PKD2L2: variants seen among roughly 807,000 people sequenced by gnomAD.
PKD2L2 encodes the protein polycystin-2-like protein 2.
A neutral mutation model predicts 83.9 loss-of-function variants in PKD2L2; 67 were observed. That is an observed-to-expected ratio of 0.80 (90% confidence interval 0.66 to 0.98). The LOEUF (loss-of-function observed/expected upper bound fraction) is 0.98. Ranked by LOEUF, PKD2L2 falls within the 50% of genes least tolerant of loss-of-function variation. The pLI is 0.00. For synonymous variants in PKD2L2, 223 were observed against 237.8 expected (o/e 0.94, Z 0.57); for missense variants, 632 against 717.2 (o/e 0.88, Z 1.36).
At chr5:137,912,899 G>A (rs1757970459) in intron 8 of PKD2L2, among the ~76,000 whole-genome samples, 1 of 145,768 alleles carries the variant, frequency 6.9e-6, no homozygotes, top group Non-Finnish European at 1.5e-5. Flanking sequence ...CCGCCTCCCA[G>A]GTTCAAGTGA....
chr5:137,923,446 T>C lies in PKD2L2; in HGVS notation c.1476T>C (p.Asp492=), dbSNP rs746691828. 2 of 1,519,156 alleles carry C rather than the reference T, an allele frequency of 1.3e-6. No individual in the cohort carries two copies. The highest frequency in any genetic ancestry group is 1.8e-6 in the Non-Finnish European group (2 of 1,093,946). 94.1% of individuals were successfully genotyped at this position (1,519,156 alleles called of 1,614,324 possible). Residue 492 remains aspartate (D), a synonymous_variant, in exon 10 of 15, where the codon GAT becomes GAC. Transcript: ENST00000508883. ...LLNMFLAIIN[D]TYSEVKADYS... ...ATATGTTCTTGGCAATTATTAATGA[T>C]ACCTATTCTGAAGTGAAAGCTGACT...
chr5:137,938,300 A>G (rs1760731679), intron 14 of PKD2L2: 1 of 152,628 alleles, frequency 6.6e-6, no homozygotes, highest in South Asian at 2.1e-4. Context: ...ACTCATATAG[A>G]TTTAGCATTA....
chr5:137,921,796 G>T, intron 9 of PKD2L2, 40 bp downstream of exon 9: 2 of 1,420,632 alleles, frequency 1.4e-6, no homozygotes, highest in Non-Finnish European at 1.9e-6. Flanking sequence ...TTACTTTTTA[G>T]AATAAAAAGT....
chr5:137,938,749 TGC>T (rs1166919687), intron 14 of PKD2L2: 1 of 152,516 alleles, frequency 6.6e-6, no homozygotes, highest in Non-Finnish European at 1.5e-5. Flanking sequence ...TATGTAATAG[TGC>T]CAGAAGTCTG....
intron 4 of PKD2L2, among the ~76,000 whole-genome samples, chr5:137,897,236 C>A (rs890447710): frequency 6.6e-6 from 1 of 151,416 alleles, no homozygotes; most frequent in African/African-American, 2.4e-5. Flanking sequence ...TTTGTGTTTT[C>A]TGCAGAAATG....
chr5:137,893,778 C>T (rs1047547164), intron 3 of PKD2L2, among the ~76,000 whole-genome samples: 11 of 152,090 alleles, frequency 7.2e-5, no homozygotes, highest in Non-Finnish European at 1.0e-4. Context: ...TGATCCTAGA[C>T]GGTTGGTTTA....
intron 12 of PKD2L2, among the ~76,000 whole-genome samples, chr5:137,934,962 C>T (rs1760199390): frequency 1.3e-5 from 2 of 152,214 alleles, no homozygotes; most frequent in African/African-American, 4.8e-5. Flanking sequence ...AGAGTACACA[C>T]TTATCAAGCA....
chr5:137,923,769 C>T (rs1378200574), intron 10 of PKD2L2, among the ~76,000 whole-genome samples: 1 of 152,144 alleles, frequency 6.6e-6, no homozygotes, highest in East Asian at 1.9e-4. Flanking sequence ...TTCAATATAT[C>T]AAATAGTTAT....
chr5:137,932,754 T>C (rs561728790), intron 12 of PKD2L2, among the ~76,000 whole-genome samples: 2 of 152,350 alleles, frequency 1.3e-5, no homozygotes, highest in East Asian at 3.9e-4. Context: ...TTTTGGATGT[T>C]GGAATATCTG....
chr5:137,894,286 T>A, intron 3 of PKD2L2, 67 bp from the exon 4 acceptor site: 1 of 1,314,518 alleles, frequency 7.6e-7, no homozygotes, highest in Non-Finnish European at 1.0e-6. Context: ...TTATGCATAA[T>A]GTTATGAATG....
At position 137,936,428 on chromosome 5, in the gene PKD2L2, G is replaced by A. The variant is rs1439603587; in HGVS notation, c.*17+1G>A. 1.3e-6 allele frequency: 2 copies of A among 1,529,718 alleles called. No individual in the cohort carries two copies. The highest frequency in any genetic ancestry group is 1.4e-5 in the African/African-American group (1 of 72,744). The allele number at this position is 1,529,718 out of a possible 1,614,324, so 94.8% of individuals were successfully genotyped here. ...CTCTATAGTATTGAGACAAGTGGAG[G>A]TAAGAATCTGTGATGCAATCATTGA... On this transcript the variant is annotated splice_donor_variant, in intron 14 of 14. Coordinates refer to ENST00000508883, the MANE Select transcript of PKD2L2 (RefSeq NM_001300921.2). LOFTEE classifies it low-confidence loss of function (3UTR_SPLICE).
At chr5:137,903,041 T>C (rs1256662168) in intron 5 of PKD2L2, among the ~76,000 whole-genome samples, 1 of 152,220 alleles carries the variant, frequency 6.6e-6, no homozygotes, top group Non-Finnish European at 1.5e-5. Flanking sequence ...TGGCTTACAA[T>C]AAATATTTCT....
Position 137,906,292 on chromosome 5 carries a change from A to G in PKD2L2, c.833A>G (p.Tyr278Cys), listed in dbSNP as rs766142046. The G allele has an allele frequency of 1.9e-6, 3 of 1,611,142 alleles. No individual in the cohort carries two copies. Among genetic ancestry groups the G allele is most frequent in the Non-Finnish European group, 1.7e-6 (2 of 1,177,412 alleles). The stretch of plus-strand genomic sequence containing the variant: ...AAGCTCCTCAGATATGTTAGCTACT[A>G]TGACTATTTTATTGCTTCCTGTGAA... ...SVKLLRYVSYYDYFIASCEIT... is the reference protein window; with the variant it reads ...SVKLLRYVSYCDYFIASCEIT... The change falls in exon 6 of 15, where the codon TAT becomes TGT. Residue 278 changes from tyrosine (Y) to cysteine (C), a missense_variant. Transcript: ENST00000508883.
At chr5:137,910,231 CAAT>C (rs67797320) in intron 8 of PKD2L2, among the ~76,000 whole-genome samples, 47,101 of 138,604 alleles carry the variant, frequency 0.34, 8,568 homozygotes, top group East Asian at 0.46. Context: ...ATCTCTAAAA[CAAT>C]AATAATAATA....
At position 137,900,257 on chromosome 5, in the gene PKD2L2, T is replaced by G. The variant is rs143011542; in HGVS notation, c.746+520T>G. ...ATGAGTATCCATTTAAAGTGTCGTG[T>G]GATGCTCACCATCTTCACATAAGCA... On this transcript the variant is annotated intron_variant, in intron 5 of 14. Transcript: ENST00000508883. Among the ~76,000 whole-genome samples the G allele has an allele frequency of 6.0e-3, 907 of 152,366 alleles. 6 individuals carry two copies. The highest frequency in any genetic ancestry group is 0.02 in the Middle Eastern group (6 of 294).
intron 12 of PKD2L2, among the ~76,000 whole-genome samples, chr5:137,933,738 T>C (rs1760074615): frequency 1.3e-5 from 2 of 152,196 alleles, no homozygotes; most frequent in South Asian, 4.1e-4. Context: ...TTTGGACATC[T>C]AAGTATTAAG....
intron 8 of PKD2L2, among the ~76,000 whole-genome samples, chr5:137,910,052 G>A (rs1367155046): frequency 6.6e-6 from 1 of 151,592 alleles, no homozygotes; most frequent in Non-Finnish European, 1.5e-5. Flanking sequence ...GCAAGACTGC[G>A]TTTCTACAAA....
intron 2 of PKD2L2, among the ~76,000 whole-genome samples, chr5:137,891,489 C>A (rs1183296615): frequency 6.6e-6 from 1 of 151,302 alleles, no homozygotes; most frequent in Non-Finnish European, 1.5e-5. Context: ...AAAAAGATAA[C>A]TGTAGGCAAC....
chr5:137,901,880 T>A (rs2150012412), intron 5 of PKD2L2, among the ~76,000 whole-genome samples: 1 of 152,178 alleles, frequency 6.6e-6, no homozygotes, highest in South Asian at 2.1e-4. Flanking sequence ...TTAAAAACTG[T>A]GAAACCATCA....
Sources: allele counts gnomAD v4.1 joint callset (sites outside exome capture counted in the v4.1 genomes callset), GRCh38; gene constraint gnomAD v4.1.1; transcripts MANE v1.5; gene names NCBI Gene and HGNC (gene_info 2026-07-23, HGNC 2026-07-21).